Variants in MYO1D observed in about 807,000 individuals in gnomAD.
MYO1D encodes unconventional myosin-Id.
A neutral mutation model predicts 122.0 loss-of-function variants in MYO1D; 83 were observed. The observed-to-expected ratio is 0.68, with a 90% CI of 0.57 to 0.82. MYO1D has a LOEUF of 0.82. MYO1D is among the 40% of genes least tolerant of loss of function. The pLI, the probability that MYO1D is intolerant of heterozygous loss-of-function variation, is 0.00. For missense variants in MYO1D, 1,157 were observed against 1,269.5 expected (o/e 0.91, Z 1.35); for synonymous variants, 464 against 446.9 (o/e 1.04, Z -0.48).
At chr17:32,551,063 T>A (rs1330852663) in intron 21 of MYO1D, among the ~76,000 whole-genome samples, 8 of 152,190 alleles carry the variant, frequency 5.3e-5, no homozygotes, top group Admixed American at 3.3e-4. Context: ...ACAGAATTAA[T>A]CTAGAGTTAG....
At chr17:32,751,066 T>C (rs372630449) in intron 11 of MYO1D, among the ~76,000 whole-genome samples, 8 of 152,232 alleles carry the variant, frequency 5.3e-5, no homozygotes, top group African/African-American at 1.9e-4. Flanking sequence ...AGGTTTTAGA[T>C]TTTTCTTTAT....
chr17:32,636,442 C>T (rs948356736), intron 20 of MYO1D, among the ~76,000 whole-genome samples: 3 of 152,192 alleles, frequency 2.0e-5, no homozygotes, highest in Non-Finnish European at 4.4e-5. Flanking sequence ...CTATCATCCA[C>T]ACCTAATATT....
chr17:32,539,736 C>T (rs1383480393), intron 21 of MYO1D, among the ~76,000 whole-genome samples: 1 of 152,214 alleles, frequency 6.6e-6, no homozygotes, highest in Non-Finnish European at 1.5e-5. Flanking sequence ...TTAATTAAAT[C>T]TGCAAAGAGC....
At chr17:32,714,314 T>C (rs2089415634) in intron 15 of MYO1D, among the ~76,000 whole-genome samples, 2 of 147,626 alleles carry the variant, frequency 1.4e-5, no homozygotes, top group Non-Finnish European at 1.5e-5. Flanking sequence ...AGTGAGAACA[T>C]GTGCGGTTTG....
intron 11 of MYO1D, among the ~76,000 whole-genome samples, chr17:32,754,050 A>G (rs2089923844): frequency 6.6e-6 from 1 of 152,244 alleles, no homozygotes; most frequent in Non-Finnish European, 1.5e-5. Context: ...ATGAAAATTT[A>G]AATAAGATTT....
chr17:32,630,766 G>A (rs1270023683), intron 20 of MYO1D, among the ~76,000 whole-genome samples: 4 of 151,994 alleles, frequency 2.6e-5, no homozygotes, highest in African/African-American at 9.7e-5. Flanking sequence ...GTAAAGATGG[G>A]GTTTCACCTT....
chr17:32,671,169 T>C (rs1347723635), intron 16 of MYO1D, among the ~76,000 whole-genome samples: 2 of 152,246 alleles, frequency 1.3e-5, no homozygotes, highest in African/African-American at 4.8e-5. Flanking sequence ...TTTGGGGCTC[T>C]GGAGTCATAG....
intron 14 of MYO1D, among the ~76,000 whole-genome samples, chr17:32,733,230 C>G (rs537978294): frequency 1.1e-3 from 174 of 152,320 alleles, no homozygotes; most frequent in Non-Finnish European, 2.0e-3. Context: ...AAGGCACCAC[C>G]AGGCACAAAG....
intron 1 of MYO1D, among the ~76,000 whole-genome samples, chr17:32,832,293 CTT>C (rs955471882): frequency 7.9e-5 from 11 of 139,828 alleles, no homozygotes; most frequent in African/African-American, 1.0e-4. Context: ...TTTCTTTCTT[CTT>C]TTTTTTTTTT....
chr17:32,875,252 G>A (rs2091218291), intron 1 of MYO1D, among the ~76,000 whole-genome samples: 1 of 152,170 alleles, frequency 6.6e-6, no homozygotes, highest in African/African-American at 2.4e-5. Flanking sequence ...GGGGAGAGGA[G>A]TAGAATCTCT....
At chr17:32,595,810 C>T (rs73278254) in intron 21 of MYO1D, among the ~76,000 whole-genome samples, 5,627 of 152,150 alleles carry the variant, frequency 0.037, 343 homozygotes, top group African/African-American at 0.13. Context: ...AGTAAAGATA[C>T]AGCATGTCAG....
At chr17:32,648,130 C>T (rs547770363) in intron 19 of MYO1D, among the ~76,000 whole-genome samples, 6 of 152,216 alleles carry the variant, frequency 3.9e-5, no homozygotes, top group African/African-American at 1.4e-4. Flanking sequence ...AGGAGAATCG[C>T]TTGAACCCAG....
intron 1 of MYO1D, among the ~76,000 whole-genome samples, chr17:32,840,545 A>C (rs2090870655): frequency 6.6e-6 from 1 of 152,234 alleles, no homozygotes; most frequent in Admixed American, 6.5e-5. Context: ...CTTGTAAAGA[A>C]CTAAGGAAAT....
At chr17:32,753,701 C>T (rs1228637297) in intron 11 of MYO1D, among the ~76,000 whole-genome samples, 1 of 152,120 alleles carries the variant, frequency 6.6e-6, no homozygotes, top group Non-Finnish European at 1.5e-5. Flanking sequence ...GAGTTCAAGA[C>T]CATCCTGGCC....
chr17:32,655,359 C>T (rs1213162230), intron 17 of MYO1D, among the ~76,000 whole-genome samples: 1 of 152,036 alleles, frequency 6.6e-6, no homozygotes, highest in Non-Finnish European at 1.5e-5. Flanking sequence ...TGACAGATAG[C>T]AAATATATGA....
chr17:32,831,246 A>G (rs1451172017), intron 1 of MYO1D, among the ~76,000 whole-genome samples: 1 of 152,202 alleles, frequency 6.6e-6, no homozygotes, highest in African/African-American at 2.4e-5. Flanking sequence ...CGAGAAAGAG[A>G]ATAACATTTT....
At chr17:32,516,933 A>G in intron 21 of MYO1D, among the ~76,000 whole-genome samples, 1 of 152,140 alleles carries the variant, frequency 6.6e-6, no homozygotes, top group East Asian at 1.9e-4. Flanking sequence ...CATCCTCTCC[A>G]GTTCCTGCTC....
At chr17:32,569,086 C>T (rs997507710) in intron 21 of MYO1D, among the ~76,000 whole-genome samples, 1 of 152,114 alleles carries the variant, frequency 6.6e-6, no homozygotes, top group Non-Finnish European at 1.5e-5. Context: ...TAATCTGGTG[C>T]CTTTTAAATA....
intron 16 of MYO1D, among the ~76,000 whole-genome samples, chr17:32,679,580 C>T (rs201910294): frequency 0.031 from 4,695 of 152,034 alleles, 137 homozygotes; most frequent in East Asian, 0.19. Context: ...AGGTATGTGG[C>T]GTTATTTCTG....
Sources: gnomAD v4.1 joint callset for allele counts (sites outside exome capture counted in the v4.1 genomes callset) on GRCh38, gnomAD v4.1.1 for gene constraint, MANE v1.5 for transcripts, NCBI Gene and HGNC (gene_info 2026-07-23, HGNC 2026-07-21) for gene names.